HK2: variants seen among roughly 807,000 people sequenced by gnomAD.
The protein encoded by HK2 is hexokinase 2.
A neutral mutation model predicts 92.9 loss-of-function variants in HK2; 42 were observed. The observed-to-expected ratio is 0.45, with a 90% confidence interval of 0.35 to 0.58. The LOEUF is 0.58. Among genes scored for constraint, HK2 ranks in the 20% least tolerant of loss-of-function variants. HK2 has a pLI of 0.00. For synonymous variants in HK2, 422 were observed against 468.0 expected (o/e 0.90, Z 1.27); for missense variants, 978 against 1,245.1 (o/e 0.79, Z 3.23).
Position 74,892,376 on chromosome 2 carries a change from A to G in HK2, c.*1435A>G, listed in dbSNP as rs897441382. 6.6e-6 allele frequency: 1 copy of G among 152,216 alleles called. No homozygotes were observed. Among genetic ancestry groups the G allele is most frequent in the African/African-American group, 2.4e-5 (1 of 41,448 alleles). 9.4% of individuals were successfully genotyped at this position (152,216 alleles called of 1,614,324 possible). A position where few individuals can be genotyped will look rare whatever the true frequency, so the allele number is the denominator to read the frequency against. On this transcript the variant is annotated 3_prime_UTR_variant, in exon 18 of 18. Transcript: ENST00000290573. ...AAGTTTCACCTTGGGTTTGTATTTT[A>G]AATGTTTTACAAGAATTGTCCATGT...
In HK2 at chr2:74,834,761, A is replaced by G; in HGVS notation, c.63+118A>G. On this transcript the variant is annotated intron_variant, in intron 1 of 17. Coordinates refer to ENST00000290573, the MANE Select transcript of HK2 (RefSeq NM_000189.5). This position sits in a 1 kb window ranked among gnomAD's most constrained non-coding sequence, Gnocchi z 4.2. Reference sequence around the variant, plus strand: ...CTCCCTACTCCGGGCCTGGGAGCGGAAAAAGTTTGGGCAGCCGGGACACTC... The same window carrying G: ...CTCCCTACTCCGGGCCTGGGAGCGGGAAAAGTTTGGGCAGCCGGGACACTC... 1 of 1,187,272 alleles carries G rather than the reference A, an allele frequency of 8.4e-7. No homozygotes were observed. The highest frequency in any genetic ancestry group is 1.2e-6 in the Non-Finnish European group (1 of 803,438). 73.5% of individuals were successfully genotyped at this position (1,187,272 alleles called of 1,614,324 possible). A position where few individuals can be genotyped will look rare whatever the true frequency, so the allele number is the denominator to read the frequency against.
At chr2:74,852,874 C>T (rs181654336) in intron 1 of HK2, among the ~76,000 whole-genome samples, 18 of 152,288 alleles carry the variant, frequency 1.2e-4, no homozygotes, top group Non-Finnish European at 2.1e-4. Context: ...TCCATTGTGC[C>T]AGGCACCGTG....
In HK2 at chr2:74,834,186, A is replaced by G. The variant is rs1211878345; in HGVS notation, c.-395A>G. 5.3e-5 allele frequency: 19 copies of G among 359,012 alleles called. No homozygotes were observed. The highest frequency in any genetic ancestry group is 1.0e-4 in the Non-Finnish European group (19 of 184,126). The allele number at this position is 359,012 out of a possible 1,614,324, so 22.2% of individuals were successfully genotyped here. ...GGGCTGCCGCTGGCAACATCGTGTCACCCAGCTAAGAAAATCCGCGGGCCC... is the reference window on the plus strand; with the variant it reads ...GGGCTGCCGCTGGCAACATCGTGTCGCCCAGCTAAGAAAATCCGCGGGCCC... On this transcript the variant is annotated 5_prime_UTR_variant, in exon 1 of 18. Coordinates refer to ENST00000290573, the MANE Select transcript of HK2 (RefSeq NM_000189.5). The surrounding 1 kb of genome is among the most constrained non-coding windows in gnomAD (Gnocchi z 4.2).
chr2:74,874,854 A>G (rs1689188085), intron 7 of HK2, among the ~76,000 whole-genome samples: 1 of 151,910 alleles, frequency 6.6e-6, no homozygotes, highest in South Asian at 2.1e-4. Flanking sequence ...CACCCAGAGG[A>G]CAGGCTGACA....
Position 74,841,666 on chromosome 2 carries a change from C to T in HK2, c.63+7023C>T, listed in dbSNP as rs115069620. Among the ~76,000 whole-genome samples, 1,503 of 152,296 alleles carry T rather than the reference C, an allele frequency of 9.9e-3. 22 individuals carry two copies. The highest frequency in any genetic ancestry group is 0.034 in the African/African-American group (1,428 of 41,552). On this transcript the variant is annotated intron_variant, in intron 1 of 17. Coordinates refer to ENST00000290573, the MANE Select transcript of HK2 (RefSeq NM_000189.5). ...GTCTGCAGATGCCCACAGTTCCTTG[C>T]TGGGGGGCAGGTTTCCAGGGAACGG...
At chr2:74,846,706 G>A (rs975026223) in intron 1 of HK2, among the ~76,000 whole-genome samples, 2 of 152,146 alleles carry the variant, frequency 1.3e-5, no homozygotes, top group Admixed American at 6.6e-5. Context: ...CCCAGGCTGA[G>A]TGCAGCAGCG....
intron 2 of HK2, among the ~76,000 whole-genome samples, chr2:74,855,453 G>A (rs527653011): frequency 2.0e-5 from 3 of 152,234 alleles, no homozygotes; most frequent in South Asian, 4.1e-4. Context: ...AGCCAGAATG[G>A]TCTATATCTT....
At chr2:74,871,032 C>G (rs1226832869) in intron 3 of HK2, among the ~76,000 whole-genome samples, 2 of 152,198 alleles carry the variant, frequency 1.3e-5, no homozygotes, top group Non-Finnish European at 1.5e-5. Flanking sequence ...CTCTCCCAAC[C>G]TCTCAGTTCC....
At chr2:74,862,642 T>C (rs1289502238) in intron 2 of HK2, among the ~76,000 whole-genome samples, 1 of 152,188 alleles carries the variant, frequency 6.6e-6, no homozygotes, top group Non-Finnish European at 1.5e-5. Flanking sequence ...GAGACATACA[T>C]CCAGAGCTAG....
At chr2:74,849,208 C>A (rs1241860514) in intron 1 of HK2, among the ~76,000 whole-genome samples, 1 of 152,146 alleles carries the variant, frequency 6.6e-6, no homozygotes, top group Non-Finnish European at 1.5e-5. Context: ...TGGGTATTAT[C>A]TTATTTCCTA....
intron 1 of HK2, among the ~76,000 whole-genome samples, chr2:74,847,839 CTTT>C (rs1309071594): frequency 3.3e-5 from 5 of 152,198 alleles, no homozygotes; most frequent in Non-Finnish European, 7.4e-5. Context: ...GGCAGCCAGA[CTTT>C]CTCCTGACAC....
At chr2:74,877,403 C>G in intron 8 of HK2, 82 bp downstream of exon 8, 2 of 1,487,558 alleles carry the variant, frequency 1.3e-6, no homozygotes, top group Non-Finnish European at 1.9e-6. Flanking sequence ...GGGGGCTGTA[C>G]CTTTTGACTC....
In HK2 at chr2:74,891,342, A is replaced by C. The variant is rs532622605; in HGVS notation, c.*401A>C. 1 of 274,206 alleles carries C rather than the reference A, an allele frequency of 3.6e-6. No individual in the cohort carries two copies. Among genetic ancestry groups the C allele is most frequent in the East Asian group, 9.8e-5 (1 of 10,176 alleles). The allele number at this position is 274,206 out of a possible 1,614,324, so 17.0% of individuals were successfully genotyped here. ...AAGTGGGGTGCATCCCCCAGCACTG[A>C]TGTTGTTACTGATTCTCCTGTCAGA... On this transcript the variant is annotated 3_prime_UTR_variant, in exon 18 of 18. Transcript: ENST00000290573.
intron 1 of HK2, among the ~76,000 whole-genome samples, chr2:74,837,879 T>C (rs1175711685): frequency 1.3e-5 from 2 of 152,072 alleles, no homozygotes; most frequent in Non-Finnish European, 2.9e-5. Flanking sequence ...TTTCACCATG[T>C]TGGCCAGGAT....
chr2:74,855,650 A>G, intron 2 of HK2, among the ~76,000 whole-genome samples: 1 of 152,224 alleles, frequency 6.6e-6, no homozygotes, highest in East Asian at 1.9e-4. Context: ...AGGTCACTGA[A>G]GGCCTTGAAT....
At chr2:74,880,121 G>A (rs1329463631) in intron 9 of HK2, 144 bp from the exon 10 acceptor site, 2 of 871,342 alleles carry the variant, frequency 2.3e-6, no homozygotes, top group African/African-American at 1.6e-5. Context: ...ACTTGGGACA[G>A]TGGAGAGAGG....
intron 3 of HK2, among the ~76,000 whole-genome samples, chr2:74,870,655 T>C (rs1251756910): frequency 6.6e-6 from 1 of 151,564 alleles, no homozygotes; most frequent in Non-Finnish European, 1.5e-5. Flanking sequence ...TTAATATACG[T>C]ATCATATAAT....
rs1689724627 is a variant in HK2 at position 74,893,175 on chromosome 2, G to A, written c.*2234G>A. ...AGGTTGACAGTCCCTTGCTGACATG[G>A]CTTTGCTTTGTGTAAATACAGTGGA... On this transcript the variant is annotated 3_prime_UTR_variant, in exon 18 of 18. Coordinates refer to ENST00000290573, the MANE Select transcript of HK2 (RefSeq NM_000189.5). The A allele has an allele frequency of 1.3e-5, 2 of 152,044 alleles. No individual in the cohort carries two copies. The highest frequency in any genetic ancestry group is 4.1e-4 in the South Asian group (2 of 4,826). 9.4% of individuals were successfully genotyped at this position (152,044 alleles called of 1,614,324 possible). A position where few individuals can be genotyped will look rare whatever the true frequency, so the allele number is the denominator to read the frequency against.
rs373846254 is a variant in HK2, at chr2:74,840,181, T to C, written c.63+5538T>C. ...CACTGTGTTAGCCAGGATGGTCTTA[T>C]CTCCTGACCTCATGATCCACCTGCC... On this transcript the variant is annotated intron_variant, in intron 1 of 17. Transcript: ENST00000290573. Among the ~76,000 whole-genome samples the C allele has an allele frequency of 2.6e-5, 4 of 151,192 alleles. 1 individual carries two copies. Among genetic ancestry groups the C allele is most frequent in the African/African-American group, 9.7e-5 (4 of 41,162 alleles).
Sources: gnomAD v4.1 joint callset for allele counts (sites outside exome capture counted in the v4.1 genomes callset) on GRCh38, gnomAD v4.1.1 for gene constraint, Gnocchi (gnomAD v3.1) non-coding constraint, MANE v1.5 for transcripts, NCBI Gene and HGNC (gene_info 2026-07-23, HGNC 2026-07-21) for gene names.